Variants in EIF3E observed in about 807,000 individuals in gnomAD.
The protein encoded by EIF3E is eukaryotic translation initiation factor 3 subunit E.
In EIF3E, 25 loss-of-function variants were observed where a neutral mutation model predicts 59.3. That is an observed-to-expected ratio of 0.42 (90% CI 0.31 to 0.59). The LOEUF is 0.59. Among genes scored for constraint, EIF3E ranks in the 20% least tolerant of loss-of-function variants. EIF3E has a pLI of 0.15. For missense variants in EIF3E, 317 were observed against 534.3 expected (o/e 0.59, Z 4.01); for synonymous variants, 176 against 170.2 (o/e 1.03, Z -0.26).
chr8:108,202,870 T>A (rs1298538645), intron 12 of EIF3E, 113 bp downstream of exon 12: 2 of 1,248,060 alleles, frequency 1.6e-6, no homozygotes, highest in Non-Finnish European at 2.1e-6. Flanking sequence ...AATGTTCATA[T>A]CTTTAAAGAG....
At chr8:108,224,012 T>C (rs533912535) in intron 7 of EIF3E, among the ~76,000 whole-genome samples, 3 of 150,548 alleles carry the variant, frequency 2.0e-5, no homozygotes, top group African/African-American at 7.5e-5. Flanking sequence ...GGTCAGGAGA[T>C]AGAGACCATC....
intron 7 of EIF3E, among the ~76,000 whole-genome samples, chr8:108,226,916 G>A (rs557516785): frequency 6.6e-6 from 1 of 152,118 alleles, no homozygotes; most frequent in East Asian, 1.9e-4. Flanking sequence ...TAATGATTTA[G>A]AATTCTTATT....
rs1043997118 is a variant in EIF3E at position 108,203,269 on chromosome 8, T to C, written c.1164+132A>G. 4.7e-6 allele frequency: 6 copies of C among 1,286,098 alleles called. No individual in the cohort carries two copies. The African/African-American group carries it at 7.6e-5, about 16-fold the overall frequency. 79.7% of individuals were successfully genotyped at this position (1,286,098 alleles called of 1,614,324 possible). A position where few individuals can be genotyped will look rare whatever the true frequency, so the allele number is the denominator to read the frequency against. ...GAAGAAAAAAAATAGGAGGCTTCTGTTGCCTTCAAAGAACTGTTTTACATT... is the reference window on the plus strand; with the variant it reads ...GAAGAAAAAAAATAGGAGGCTTCTGCTGCCTTCAAAGAACTGTTTTACATT... On this transcript the variant is annotated intron_variant, in intron 11 of 12. Coordinates refer to ENST00000220849, the MANE Select transcript of EIF3E (RefSeq NM_001568.3).
At chr8:108,226,610 C>T (rs1412482050) in intron 7 of EIF3E, among the ~76,000 whole-genome samples, 1 of 152,130 alleles carries the variant, frequency 6.6e-6, no homozygotes. Flanking sequence ...CTCTTCCTTC[C>T]AAATATCCAA....
At chr8:108,218,946 GCTAA>G (rs1222412224) in intron 7 of EIF3E, among the ~76,000 whole-genome samples, 1 of 151,788 alleles carries the variant, frequency 6.6e-6, no homozygotes, top group African/African-American at 2.4e-5. Context: ...ACCACACCTG[GCTAA>G]CTTTTTTGTA....
chr8:108,236,377 T>C (rs1264281090), intron 3 of EIF3E, among the ~76,000 whole-genome samples, 174 bp from the exon 4 acceptor site: 1 of 152,202 alleles, frequency 6.6e-6, no homozygotes, highest in Non-Finnish European at 1.5e-5. Context: ...ATAAGAAGTA[T>C]ACAAGGAGAG....
chr8:108,206,252 G>A (rs58064303), intron 10 of EIF3E, among the ~76,000 whole-genome samples: 3,035 of 151,972 alleles, frequency 0.02, 88 homozygotes, highest in African/African-American at 0.066. Flanking sequence ...TTGATCTTGG[G>A]AGGCAGAGGT....
chr8:108,211,416 T>C (rs569085060), intron 10 of EIF3E, among the ~76,000 whole-genome samples: 16 of 152,358 alleles, frequency 1.1e-4, no homozygotes, highest in African/African-American at 3.8e-4. Flanking sequence ...TATCTGTTCA[T>C]ATCCTTTGCC....
intron 10 of EIF3E, 55 bp downstream of exon 10, chr8:108,214,552 G>T: frequency 7.6e-7 from 1 of 1,321,254 alleles, no homozygotes; most frequent in South Asian, 1.6e-5. Flanking sequence ...ACAATAAATG[G>T]AAATTTCCAG....
chr8:108,248,099 C>G (rs1167064501), intron 1 of EIF3E, among the ~76,000 whole-genome samples: 1 of 151,480 alleles, frequency 6.6e-6, no homozygotes, highest in East Asian at 1.9e-4. Context: ...TTAACCAAGA[C>G]AAGAAAACGC....
intron 7 of EIF3E, among the ~76,000 whole-genome samples, chr8:108,219,517 A>G (rs919796540): frequency 6.6e-6 from 1 of 152,226 alleles, no homozygotes; most frequent in Non-Finnish European, 1.5e-5. Context: ...ATATCATTAA[A>G]AAGTATTGCA....
At chr8:108,219,273 GA>G (rs1229004244) in intron 7 of EIF3E, among the ~76,000 whole-genome samples, 2 of 152,024 alleles carry the variant, frequency 1.3e-5, no homozygotes, top group Non-Finnish European at 2.9e-5. Context: ...ACTTATTTGG[GA>G]AATCTACTCT....
rs1173363834 is a variant in EIF3E at position 108,201,752 on chromosome 8, T to G, written c.*133A>C. 1 of 734,524 alleles carries G rather than the reference T, an allele frequency of 1.4e-6. No homozygotes were observed. Among genetic ancestry groups the G allele is most frequent in the Non-Finnish European group, 2.0e-6 (1 of 510,756 alleles). 45.5% of individuals were successfully genotyped at this position (734,524 alleles called of 1,614,324 possible). ...AAAACTGACAGCAAGATAAAATGAATCAATTTTATTCCAATTCTTCAAAAT... is the reference window on the plus strand; with the variant it reads ...AAAACTGACAGCAAGATAAAATGAAGCAATTTTATTCCAATTCTTCAAAAT... On this transcript the variant is annotated 3_prime_UTR_variant, in exon 13 of 13. Coordinates refer to ENST00000220849, the MANE Select transcript of EIF3E (RefSeq NM_001568.3).
chr8:108,224,134 A>G (rs1815475139), intron 7 of EIF3E, among the ~76,000 whole-genome samples: 2 of 151,254 alleles, frequency 1.3e-5, no homozygotes, highest in Non-Finnish European at 2.9e-5. Flanking sequence ...AGGCAGGAGA[A>G]TGGCGTGAAC....
intron 5 of EIF3E, among the ~76,000 whole-genome samples, chr8:108,229,926 C>T (rs368919221): frequency 6.6e-6 from 1 of 152,116 alleles, no homozygotes; most frequent in Non-Finnish European, 1.5e-5. Flanking sequence ...AGGGCCATCC[C>T]TACCTCTTCT....
intron 5 of EIF3E, among the ~76,000 whole-genome samples, chr8:108,229,940 C>T (rs566709675): frequency 4.6e-5 from 7 of 152,166 alleles, no homozygotes; most frequent in Admixed American, 2.0e-4. Flanking sequence ...CTCTTCTATC[C>T]GCTGGTAAAA....
intron 10 of EIF3E, among the ~76,000 whole-genome samples, chr8:108,206,587 C>CAT (rs1268467339): frequency 5.4e-5 from 6 of 111,122 alleles, no homozygotes; most frequent in Non-Finnish European, 9.6e-5. Context: ...ATTCTGTGCA[C>CAT]ATGTGCACAC....
At position 108,217,338 on chromosome 8, in the gene EIF3E, T is replaced by C; in HGVS notation, c.845A>G (p.Gln282Arg). The C allele has an allele frequency of 6.5e-7, 1 of 1,542,966 alleles. No individual in the cohort carries two copies. The highest frequency in any genetic ancestry group is 2.4e-5 in the East Asian group (1 of 41,180). Residue 282 changes from glutamine (Q) to arginine (R), a missense_variant, in exon 8 of 13, where the codon CAA becomes CGA. This residue lies in a region of EIF3E where 242 missense variants were observed against 398.0 expected (regional missense o/e 0.61). Coordinates refer to ENST00000220849, the MANE Select transcript of EIF3E (RefSeq NM_001568.3). ...QVLKDLVKVI[Q>R]QESYTYKDPI... is the part of the protein sequence containing the mutation. ...CAATATATATTTTAGTTTTACCTGT[T>C]GAATAACTTTAACTAGATCTTTTAG...
chr8:108,205,751 T>C (rs2129841219), intron 10 of EIF3E, among the ~76,000 whole-genome samples: 1 of 149,484 alleles, frequency 6.7e-6, no homozygotes, highest in Admixed American at 6.7e-5. Flanking sequence ...TCAAGTGTCT[T>C]GATATCACAG....
Sources: gnomAD v4.1 joint callset for allele counts (sites outside exome capture counted in the v4.1 genomes callset) on GRCh38, gnomAD v4.1.1 for gene constraint, gnomAD v4.1.1 regional missense constraint, MANE v1.5 for transcripts, NCBI Gene and HGNC (gene_info 2026-07-23, HGNC 2026-07-21) for gene names.